The following CECR2 variants were observed in gnomAD, a reference collection of about 807,000 sequenced individuals.
The protein encoded by CECR2 is chromatin remodeling regulator CECR2.
Under a neutral mutation model 154.5 loss-of-function variants are expected in CECR2, and 30 were observed. The observed-to-expected ratio is 0.19, with a 90% CI of 0.15 to 0.26. The LOEUF is 0.26. Ranked by LOEUF, CECR2 falls within the 10% of genes least tolerant of loss-of-function variation. CECR2 has a pLI of 1.00. For synonymous variants in CECR2, 725 were observed against 683.7 expected, an observed-to-expected ratio of 1.06 and a Z score of -0.94; for missense variants, 1,743 against 1,829.3, an observed-to-expected ratio of 0.95 and a Z score of 0.86.
At chr22:17,423,135 G>T (rs908940523) in intron 1 of CECR2, among the ~76,000 whole-genome samples, 6 of 152,108 alleles carry the variant, frequency 3.9e-5, no homozygotes, top group African/African-American at 1.2e-4. Flanking sequence ...TAGCAATGTG[G>T]TGGTGAGGGG....
At chr22:17,460,457 G>A (rs1044086002) in intron 1 of CECR2, among the ~76,000 whole-genome samples, 2 of 152,180 alleles carry the variant, frequency 1.3e-5, no homozygotes, top group African/African-American at 2.4e-5. Context: ...TGATCCGCCC[G>A]TCTCGGCCTC....
At chr22:17,431,445 T>G (rs746836515) in intron 1 of CECR2, among the ~76,000 whole-genome samples, 3 of 152,176 alleles carry the variant, frequency 2.0e-5, no homozygotes, top group Non-Finnish European at 2.9e-5. Flanking sequence ...CTCAGTAAAT[T>G]TATGGTCTAG....
intron 1 of CECR2, among the ~76,000 whole-genome samples, chr22:17,364,160 G>T (rs564597072): frequency 6.6e-6 from 1 of 151,554 alleles, no homozygotes; most frequent in Non-Finnish European, 1.5e-5. Context: ...TGGCTAACAC[G>T]GTGAAACCCC....
intron 1 of CECR2, among the ~76,000 whole-genome samples, chr22:17,435,401 G>A (rs956618798): frequency 2.6e-5 from 4 of 152,052 alleles, no homozygotes; most frequent in Admixed American, 6.5e-5. Flanking sequence ...CAGAAAGATC[G>A]GAAAGCAAGG....
Position 17,549,541 on chromosome 22 carries a change from C to A in CECR2, c.4254C>A (p.Phe1418Leu). The A allele has an allele frequency of 6.3e-7, 1 of 1,597,226 alleles. No individual in the cohort carries two copies. Among genetic ancestry groups the A allele is most frequent in the South Asian group, 1.1e-5 (1 of 88,150 alleles). ...CTAGAAGTGGAATAAGAGGACCTTT[C>A]CAGGAAATGTACAGACCATCAGGGT... ...IGTRSGIRGPFQEMYRPSGMQ... is the reference protein window; with the variant it reads ...IGTRSGIRGPLQEMYRPSGMQ... The change falls in exon 17 of 19, where the codon TTC becomes TTA. Residue 1418 changes from phenylalanine to leucine, a missense_variant. Physicochemically the swap from Phe to Leu is conservative, Grantham distance 22. Transcript: ENST00000262608.
At chr22:17,454,617 A>C (rs1284062778) in intron 1 of CECR2, among the ~76,000 whole-genome samples, 1 of 152,004 alleles carries the variant, frequency 6.6e-6, no homozygotes, top group African/African-American at 2.4e-5. Flanking sequence ...AAAAAAAAAA[A>C]AAACCCTGCA....
intron 2 of CECR2, 47 bp downstream of exon 2, chr22:17,477,729 T>C (rs1256383156): frequency 3.0e-6 from 4 of 1,320,606 alleles, no homozygotes; most frequent in Non-Finnish European, 3.3e-6. Flanking sequence ...CAAGAACTAA[T>C]TAACCAACCA....
At chr22:17,525,564 C>CCAA (rs2056250230) in intron 9 of CECR2, among the ~76,000 whole-genome samples, 1 of 152,148 alleles carries the variant, frequency 6.6e-6, no homozygotes, top group Non-Finnish European at 1.5e-5. Context: ...CGAGATCGTG[C>CCAA]TACTGCACTC....
intron 1 of CECR2, among the ~76,000 whole-genome samples, chr22:17,457,486 C>T (rs1358750729): frequency 1.3e-5 from 2 of 152,104 alleles, no homozygotes; most frequent in East Asian, 3.8e-4. Context: ...ATTTTTTGAG[C>T]TATAGCCTAT....
At chr22:17,501,601 C>A (rs963846973) in intron 5 of CECR2, among the ~76,000 whole-genome samples, 2 of 152,088 alleles carry the variant, frequency 1.3e-5, no homozygotes, top group Non-Finnish European at 2.9e-5. Flanking sequence ...GATTTTAACT[C>A]AATCAGCATC....
In CECR2 at chr22:17,552,886, G is replaced by T. The variant is rs1164587999; in HGVS notation, c.*46G>T. The T allele has an allele frequency of 1.9e-6, 3 of 1,542,094 alleles. No individual in the cohort carries two copies. The highest frequency in any genetic ancestry group is 2.8e-5 in the African/African-American group (2 of 71,950). ...CAAGCAATGGAAAGCTGCACACGAA[G>T]ACTGGAATGTGGAGAACTGGGGAGT... On this transcript the variant is annotated 3_prime_UTR_variant, in exon 19 of 19. Coordinates refer to ENST00000262608, the MANE Select transcript of CECR2 (RefSeq NM_001290047.2).
chr22:17,479,610 A>G (rs181255737), intron 2 of CECR2, among the ~76,000 whole-genome samples: 4 of 152,096 alleles, frequency 2.6e-5, no homozygotes, highest in African/African-American at 9.6e-5. Context: ...TTTAAAATTG[A>G]TCTTAACTAA....
At chr22:17,537,397 C>G (rs1019127343) in intron 10 of CECR2, among the ~76,000 whole-genome samples, 165 bp downstream of exon 10, 4 of 152,196 alleles carry the variant, frequency 2.6e-5, no homozygotes, top group Non-Finnish European at 4.4e-5. Flanking sequence ...CCTAGCTACC[C>G]TGGCCTCTGA....
At chr22:17,471,953 A>T (rs1417169469) in intron 1 of CECR2, among the ~76,000 whole-genome samples, 1 of 152,208 alleles carries the variant, frequency 6.6e-6, no homozygotes, top group Non-Finnish European at 1.5e-5. Context: ...ATTTACACAT[A>T]TATTGGTATA....
intron 2 of CECR2, among the ~76,000 whole-genome samples, chr22:17,487,680 T>A (rs1237979864): frequency 6.6e-6 from 1 of 151,846 alleles, no homozygotes; most frequent in Non-Finnish European, 1.5e-5. Context: ...CTCAAAAAAA[T>A]TTTTTTCATT....
At position 17,548,848 on chromosome 22, in the gene CECR2, C is replaced by T. The variant is rs769513969; in HGVS notation, c.3561C>T (p.His1187=). 1.9e-5 allele frequency: 31 copies of T among 1,613,456 alleles called. No homozygotes were observed. In the Admixed American group the frequency reaches 4.7e-4, roughly 24 times the overall value. ...CACAAGGAATGAGGTATTCCTACCA[C>T]CCACCGCCACAGCCTTCCTACCACC... ...RPPQGMRYSY[H]PPPQPSYHHY... Residue 1187 remains histidine, a synonymous_variant, in exon 17 of 19, where the codon CAC becomes CAT. Coordinates refer to ENST00000262608, the MANE Select transcript of CECR2 (RefSeq NM_001290047.2).
chr22:17,428,771 C>T (rs1746853989), intron 1 of CECR2, among the ~76,000 whole-genome samples: 1 of 140,122 alleles, frequency 7.1e-6, no homozygotes, highest in South Asian at 2.3e-4. Flanking sequence ...AGCTACTGCA[C>T]CCAGATGAGA....
At chr22:17,377,976 G>A (rs1165199477) in intron 1 of CECR2, among the ~76,000 whole-genome samples, 5 of 151,832 alleles carry the variant, frequency 3.3e-5, no homozygotes, top group African/African-American at 9.7e-5. Flanking sequence ...TGTTATATGC[G>A]TTTTGTTTTG....
At chr22:17,362,880 C>T (rs2062983738) in intron 1 of CECR2, among the ~76,000 whole-genome samples, 1 of 123,172 alleles carries the variant, frequency 8.1e-6, no homozygotes, top group Non-Finnish European at 1.6e-5. Flanking sequence ...CTAGCCTGGG[C>T]GACAGAGCGA....
Sources: gnomAD v4.1 joint callset for allele counts (sites outside exome capture counted in the v4.1 genomes callset) on GRCh38, gnomAD v4.1.1 for gene constraint, MANE v1.5 for transcripts, NCBI Gene and HGNC (gene_info 2026-07-23, HGNC 2026-07-21) for gene names.